MGAT5: variants seen among roughly 807,000 people sequenced by gnomAD.
MGAT5 encodes alpha-1,6-mannosylglycoprotein 6-beta-N-acetylglucosaminyltransferase.
Under a neutral mutation model 94.3 loss-of-function variants are expected in MGAT5, and 30 were observed. That is an observed-to-expected ratio of 0.32 (90% CI 0.24 to 0.43). MGAT5 has a LOEUF of 0.43. MGAT5 is among the 20% of genes least tolerant of loss of function. MGAT5 has a pLI of 1.00. For missense variants in MGAT5, 691 were observed against 905.5 expected (o/e 0.76, Z 3.04); for synonymous variants, 310 against 322.9 (o/e 0.96, Z 0.43).
rs1207332359 is a variant in MGAT5, at chr2:134,153,060, C to A, written c.-143+32769C>A. 2.0e-5 allele frequency among the ~76,000 whole-genome samples: 3 copies of A among 152,088 alleles called. No homozygotes were observed. In the East Asian group the frequency reaches 5.8e-4, roughly 29 times the overall value. On this transcript the variant is annotated intron_variant, in intron 1 of 16. Coordinates refer to the MGAT5 transcript ENST00000409645. ...CTGGGACTATAGGCATGTGCCACCACGCCCGGCTAATTTTTTTGTATTTTT... is the reference window on the plus strand; with the variant it reads ...CTGGGACTATAGGCATGTGCCACCAAGCCCGGCTAATTTTTTTGTATTTTT...
intron 1 of MGAT5, among the ~76,000 whole-genome samples, chr2:134,177,144 C>CGTGTGTATGTGTGTGTGT (rs1553488518): frequency 7.7e-5 from 11 of 142,522 alleles, no homozygotes; most frequent in Non-Finnish European, 1.3e-4. Context: ...CAAATGAACC[C>CGTGTGTATGTGTGTGTGT]GTGTGTGTGT....
intron 1 of MGAT5, among the ~76,000 whole-genome samples, chr2:134,127,611 G>A (rs537285435): frequency 6.6e-6 from 1 of 151,408 alleles, no homozygotes; most frequent in African/African-American, 2.4e-5. Flanking sequence ...CTCCAGGCCT[G>A]GCGTGCTGGA....
At chr2:134,123,230 GC>G (rs1240824358) in intron 1 of MGAT5, among the ~76,000 whole-genome samples, 2 of 152,132 alleles carry the variant, frequency 1.3e-5, no homozygotes, top group African/African-American at 4.8e-5. Context: ...TGACGGGGAG[GC>G]CTTTGGAAGT....
chr2:134,241,446 C>G (rs1032012363), intron 1 of MGAT5, among the ~76,000 whole-genome samples: 3 of 152,180 alleles, frequency 2.0e-5, no homozygotes, highest in Admixed American at 2.0e-4. Flanking sequence ...GTAGATTGCT[C>G]TCTGTTTTGA....
chr2:134,391,452 G>A (rs749904381), intron 10 of MGAT5, among the ~76,000 whole-genome samples: 11 of 152,186 alleles, frequency 7.2e-5, no homozygotes, highest in Non-Finnish European at 1.6e-4. Flanking sequence ...CACAGTTCTG[G>A]AGGCTGAAAG....
intron 2 of MGAT5, among the ~76,000 whole-genome samples, chr2:134,276,903 G>A (rs778177814): frequency 2.0e-5 from 3 of 152,180 alleles, no homozygotes; most frequent in Non-Finnish European, 2.9e-5. Flanking sequence ...CGGACAGACC[G>A]TGGGACAGGG....
At chr2:134,175,654 A>T (rs1688424781) in intron 1 of MGAT5, among the ~76,000 whole-genome samples, 1 of 152,164 alleles carries the variant, frequency 6.6e-6, no homozygotes, top group Admixed American at 6.5e-5. Flanking sequence ...AGTGGGTCCC[A>T]CTTGGCGGAG....
intron 1 of MGAT5, among the ~76,000 whole-genome samples, chr2:134,126,097 T>C (rs1685826802): frequency 6.6e-6 from 1 of 152,238 alleles, no homozygotes; most frequent in Non-Finnish European, 1.5e-5. Flanking sequence ...CCACACAAAA[T>C]GCTTTTCTGA....
chr2:134,283,876 C>A (rs1038146957), intron 2 of MGAT5, among the ~76,000 whole-genome samples: 4 of 151,808 alleles, frequency 2.6e-5, no homozygotes, highest in Non-Finnish European at 4.4e-5. Flanking sequence ...GCACTAGGCT[C>A]TCTGAGAAAT....
intron 1 of MGAT5, among the ~76,000 whole-genome samples, chr2:134,158,184 G>A (rs968782864): frequency 5.9e-5 from 9 of 152,238 alleles, no homozygotes; most frequent in African/African-American, 2.2e-4. Context: ...CTGGCGTGAA[G>A]GTGGGGTTTT....
At chr2:134,408,411 T>C (rs1683464014) in intron 11 of MGAT5, among the ~76,000 whole-genome samples, 1 of 152,260 alleles carries the variant, frequency 6.6e-6, no homozygotes, top group Non-Finnish European at 1.5e-5. Context: ...GAACTTTTTA[T>C]CCTGATGCTG....
chr2:134,333,754 G>C (rs1223495334), intron 4 of MGAT5, among the ~76,000 whole-genome samples: 1 of 152,116 alleles, frequency 6.6e-6, no homozygotes, highest in Non-Finnish European at 1.5e-5. Flanking sequence ...GATTTTCCTT[G>C]AATGTTATTA....
At chr2:134,357,314 C>G (rs530677526) in intron 9 of MGAT5, among the ~76,000 whole-genome samples, 1 of 152,170 alleles carries the variant, frequency 6.6e-6, no homozygotes, top group Non-Finnish European at 1.5e-5. Flanking sequence ...GGCATTCAGA[C>G]CATAATGATT....
At chr2:134,143,026 A>G (rs535002945) in intron 1 of MGAT5, among the ~76,000 whole-genome samples, 1 of 152,164 alleles carries the variant, frequency 6.6e-6, no homozygotes, top group Admixed American at 6.5e-5. Flanking sequence ...GGGAGGACAA[A>G]TGTGAGACAG....
At chr2:134,425,469 G>GT (rs1385338777) in intron 13 of MGAT5, among the ~76,000 whole-genome samples, 1 of 151,912 alleles carries the variant, frequency 6.6e-6, no homozygotes, top group Non-Finnish European at 1.5e-5. Context: ...GATTTTATAA[G>GT]TATGATGGGA....
intron 10 of MGAT5, among the ~76,000 whole-genome samples, chr2:134,365,560 G>A (rs1018037075): frequency 6.6e-6 from 1 of 152,186 alleles, no homozygotes; most frequent in Non-Finnish European, 1.5e-5. Context: ...ATGTTGACAG[G>A]GAGAGGGTGC....
chr2:134,165,208 G>A (rs1343263712), intron 1 of MGAT5, among the ~76,000 whole-genome samples: 1 of 152,188 alleles, frequency 6.6e-6, no homozygotes, highest in Non-Finnish European at 1.5e-5. Context: ...TCCTTGGTGG[G>A]CATCGCTGCT....
At chr2:134,357,787 C>A (rs910749125) in intron 9 of MGAT5, among the ~76,000 whole-genome samples, 1 of 151,908 alleles carries the variant, frequency 6.6e-6, no homozygotes, top group African/African-American at 2.4e-5. Context: ...ACAATTTAGG[C>A]GCTCATCTTC....
intron 1 of MGAT5, among the ~76,000 whole-genome samples, chr2:134,235,783 C>T (rs1681610249): frequency 6.8e-6 from 1 of 146,508 alleles, no homozygotes; most frequent in South Asian, 2.1e-4. Flanking sequence ...GCTTATAAAT[C>T]TAGTGGTCAT....
Sources: allele counts gnomAD v4.1 joint callset (sites outside exome capture counted in the v4.1 genomes callset), GRCh38; gene constraint gnomAD v4.1.1; transcripts MANE v1.5; gene names NCBI Gene and HGNC (gene_info 2026-07-23, HGNC 2026-07-21).